GLB1L2: variants seen among roughly 807,000 people sequenced by gnomAD.
GLB1L2 encodes the protein galactosidase beta 1 like 2, also known as beta-galactosidase-1-like protein 2.
In GLB1L2, 68 loss-of-function variants were observed where a neutral mutation model predicts 84.1. The ratio of observed to expected loss-of-function variants is 0.81; its 90% CI spans 0.67 to 0.99. The LOEUF (loss-of-function observed/expected upper bound fraction) is 0.99, where lower values mean the gene tolerates loss of function less well. Ranked by LOEUF, GLB1L2 falls within the 50% of genes least tolerant of loss-of-function variation. GLB1L2 has a pLI of 0.00. For synonymous variants in GLB1L2, 290 were observed against 318.0 expected (o/e 0.91, Z 0.94); for missense variants, 762 against 805.6 (o/e 0.95, Z 0.66).
rs563339208 is a variant in GLB1L2 at position 134,338,121 on chromosome 11, T to G, written c.87-4633T>G. ...CCACCGGCGGTCATCGTACTCCGGATGTTCACGGCACTCCGGATGTTCTGC... is the reference window on the plus strand; with the variant it reads ...CCACCGGCGGTCATCGTACTCCGGAGGTTCACGGCACTCCGGATGTTCTGC... On this transcript the variant is annotated intron_variant, in intron 1 of 18. Transcript: ENST00000535456. This position sits in a 1 kb window ranked among gnomAD's most constrained non-coding sequence, Gnocchi z 6.2. 6.7e-6 allele frequency among the ~76,000 whole-genome samples: 1 copy of G among 148,236 alleles called. No homozygotes were observed. Among genetic ancestry groups the G allele is most frequent in the East Asian group, 1.9e-4 (1 of 5,156 alleles).
At position 134,344,461 on chromosome 11, in the gene GLB1L2, T is replaced by C; in HGVS notation, c.353+6T>C. 2 of 1,612,318 alleles carry C rather than the reference T, an allele frequency of 1.2e-6. No individual in the cohort carries two copies. Among genetic ancestry groups the C allele is most frequent in the Non-Finnish European group, 8.5e-7 (1 of 1,179,850 alleles). On this transcript the variant is annotated splice_donor_region_variant and intron_variant, in intron 3 of 18. Coordinates refer to ENST00000535456, the MANE Select transcript of GLB1L2 (RefSeq NM_001370461.1). ...TCTGGGAACCTGGACCTGGAGTATG[T>C]GGTGTTGCTGCTTCTGTGAACTGGC...
At chr11:134,369,015 T>C (rs1943904264) in intron 10 of GLB1L2, among the ~76,000 whole-genome samples, 2 of 152,092 alleles carry the variant, frequency 1.3e-5, no homozygotes, top group African/African-American at 4.8e-5. Flanking sequence ...TTGGCAAAGG[T>C]TGGCCTGAGG....
At chr11:134,352,373 T>C (rs1456341310) in intron 5 of GLB1L2, among the ~76,000 whole-genome samples, 1 of 152,164 alleles carries the variant, frequency 6.6e-6, no homozygotes, top group Non-Finnish European at 1.5e-5. Context: ...GTTTTGTTGA[T>C]CTTTTCAAAT....
At chr11:134,335,831 C>G (rs554850089) in intron 1 of GLB1L2, among the ~76,000 whole-genome samples, 2 of 152,300 alleles carry the variant, frequency 1.3e-5, no homozygotes, top group South Asian at 2.1e-4. Flanking sequence ...GATGCTGTAG[C>G]TTGCGGAGAA....
chr11:134,370,962 C>T lies in GLB1L2; in HGVS notation c.1216-46C>T. The T allele has an allele frequency of 3.1e-6, 5 of 1,608,474 alleles. No homozygotes were observed. Among genetic ancestry groups the T allele is most frequent in the Non-Finnish European group, 4.2e-6 (5 of 1,177,058 alleles). ...CCCCAGGCAGAGTCTGTCTGTGACCCCACTCCTCCTGAGCCTGCCCACCCC... is the reference window on the plus strand; with the variant it reads ...CCCCAGGCAGAGTCTGTCTGTGACCTCACTCCTCCTGAGCCTGCCCACCCC... On this transcript the variant is annotated intron_variant, in intron 12 of 18. Coordinates refer to ENST00000535456, the MANE Select transcript of GLB1L2 (RefSeq NM_001370461.1). The surrounding 1 kb of genome is among the most constrained non-coding windows in gnomAD (Gnocchi z 4.7).
At chr11:134,352,199 T>G (rs1302369276) in intron 5 of GLB1L2, among the ~76,000 whole-genome samples, 1 of 152,202 alleles carries the variant, frequency 6.6e-6, no homozygotes, top group Non-Finnish European at 1.5e-5. Flanking sequence ...GGAATTTGTG[T>G]GTTTCATCTA....
intron 5 of GLB1L2, among the ~76,000 whole-genome samples, chr11:134,347,719 G>A (rs1461180024): frequency 6.6e-6 from 1 of 152,192 alleles, no homozygotes; most frequent in Non-Finnish European, 1.5e-5. Flanking sequence ...GTGATAGCCG[G>A]GAACACGCAT....
chr11:134,373,653 G>A (rs944370313), intron 15 of GLB1L2, 68 bp from the exon 16 acceptor site: 11 of 1,008,928 alleles, frequency 1.1e-5, no homozygotes, highest in South Asian at 4.3e-5. Context: ...GCTTCCCCTC[G>A]TGGCCCCGGC....
intron 7 of GLB1L2, 130 bp downstream of exon 7, chr11:134,359,271 T>G (rs113758502): frequency 0.025 from 15,362 of 618,348 alleles, 341 homozygotes; most frequent in African/African-American, 0.086. Flanking sequence ...CATATGGCAC[T>G]GGGCTGCAGA....
At chr11:134,353,561 A>G (rs1435494253) in intron 5 of GLB1L2, among the ~76,000 whole-genome samples, 4 of 151,822 alleles carry the variant, frequency 2.6e-5, no homozygotes, top group African/African-American at 7.3e-5. Context: ...CAACTGGTCC[A>G]TAATATTGTC....
intron 15 of GLB1L2, among the ~76,000 whole-genome samples, chr11:134,373,450 G>A (rs929262800): frequency 6.6e-6 from 1 of 152,160 alleles, no homozygotes; most frequent in Non-Finnish European, 1.5e-5. Context: ...GGTTGTTCTC[G>A]CCCTGTAACA....
rs201933932 is a variant in GLB1L2 at position 134,374,978 on chromosome 11, G to C, written c.1831G>C (p.Val611Leu). ...CCGGGCCCTCTCTCCACAGGTCATCGTTTTTGAGGAGACGATGGCGGGCCC... is the reference window on the plus strand; with the variant it reads ...CCGGGCCCTCTCTCCACAGGTCATCCTTTTTGAGGAGACGATGGCGGGCCC... ...WLSSGINQVI[V>L]FEETMAGPAL... is the part of the protein sequence containing the mutation. The change falls in exon 19 of 19, where the codon GTT becomes CTT. Residue 611 changes from valine to leucine, a missense_variant. Transcript: ENST00000535456. The C allele has an allele frequency of 1.2e-6, 2 of 1,613,200 alleles. No individual in the cohort carries two copies. The highest frequency in any genetic ancestry group is 4.5e-5 in the East Asian group (2 of 44,846).
At chr11:134,350,678 C>T (rs143062303) in intron 5 of GLB1L2, among the ~76,000 whole-genome samples, 16 of 152,204 alleles carry the variant, frequency 1.1e-4, no homozygotes, top group Non-Finnish European at 1.6e-4. Flanking sequence ...GACGGATGAA[C>T]GGTGCAGCCT....
chr11:134,345,323 C>T (rs886318415), intron 4 of GLB1L2, among the ~76,000 whole-genome samples, 194 bp downstream of exon 4: 1 of 152,252 alleles, frequency 6.6e-6, no homozygotes, highest in East Asian at 1.9e-4. Flanking sequence ...AGTGCCCTCA[C>T]GTAGCCATGC....
At position 134,342,968 on chromosome 11, in the gene GLB1L2, TC is replaced by T; in HGVS notation, c.284+23del. 1.3e-6 allele frequency: 2 copies of T among 1,595,562 alleles called. No homozygotes were observed. Among genetic ancestry groups the T allele is most frequent in the South Asian group, 1.1e-5 (1 of 89,104 alleles). ...CCTCACCACGTAGGTGCTGCCCCTG[TC>T]CCCCCGGAGCCTGGTTCCTAAGCAG... is the stretch of plus-strand genomic sequence containing the variant. On this transcript the variant is annotated intron_variant, in intron 2 of 18. Transcript: ENST00000535456.
At chr11:134,332,258 C>A in intron 1 of GLB1L2, 111 bp downstream of exon 1, 1 of 702,044 alleles carries the variant, frequency 1.4e-6, no homozygotes, top group Non-Finnish European at 2.3e-6. Flanking sequence ...GGGGGAGCAG[C>A]CCCAGCTGCT....
intron 5 of GLB1L2, among the ~76,000 whole-genome samples, chr11:134,348,802 TG>T (rs113151032): frequency 0.024 from 3,621 of 152,226 alleles, 146 homozygotes; most frequent in African/African-American, 0.082. Flanking sequence ...AACAAAGCAC[TG>T]GCAGATTCGG....
intron 15 of GLB1L2, 87 bp from the exon 16 acceptor site, chr11:134,373,634 C>T: frequency 3.6e-6 from 3 of 825,636 alleles, no homozygotes; most frequent in East Asian, 2.4e-5. Context: ...CTCACCCCAG[C>T]TTCCCAGGGC....
At chr11:134,374,820 C>G in intron 18 of GLB1L2, 102 bp downstream of exon 18, 1 of 1,156,300 alleles carries the variant, frequency 8.6e-7, no homozygotes. Context: ...CGGGTTCTTC[C>G]TCCCTCCTCC....
Sources: gnomAD v4.1 joint callset for allele counts (sites outside exome capture counted in the v4.1 genomes callset) on GRCh38, gnomAD v4.1.1 for gene constraint, Gnocchi (gnomAD v3.1) non-coding constraint, MANE v1.5 for transcripts, NCBI Gene and HGNC (gene_info 2026-07-23, HGNC 2026-07-21) for gene names.